COL22A1: variants seen among roughly 807,000 people sequenced by gnomAD.
The protein encoded by COL22A1 is collagen type XXII alpha 1 chain.
COL22A1 carries 221 observed loss-of-function variants against 248.9 expected under a neutral mutation model. That is an observed-to-expected ratio of 0.89 (90% CI 0.80 to 0.99). The LOEUF (loss-of-function observed/expected upper bound fraction) is 0.99. Among genes scored for constraint, COL22A1 ranks in the 50% least tolerant of loss-of-function variants. The pLI is 0.00. For missense variants in COL22A1, 2,240 were observed against 2,179.0 expected (o/e 1.03, Z -0.56); for synonymous variants, 891 against 793.4 (o/e 1.12, Z -2.07).
At chr8:138,727,514 G>C (rs1238364819) in intron 23 of COL22A1, among the ~76,000 whole-genome samples, 1 of 152,202 alleles carries the variant, frequency 6.6e-6, no homozygotes, top group Non-Finnish European at 1.5e-5. Flanking sequence ...CAGAAGCCGA[G>C]AGCCTGGGTT....
chr8:138,779,513 A>C lies in COL22A1; in HGVS notation c.1700T>G (p.Met567Arg), dbSNP rs761160271. The stretch of plus-strand genomic sequence containing the variant: ...CCAGCTCACAGCAACACTCACCCGC[A>C]TGCCGACCTCACCCGGCAGCCCCGG... ...GEPGLPGEVGMRGPQGPPGLP... is the reference protein window; with the variant it reads ...GEPGLPGEVGRRGPQGPPGLP... The change falls in exon 14 of 65, where the codon ATG (methionine) becomes AGG (arginine). Residue 567 changes from methionine to arginine, a missense_variant. Met to Arg is a moderately conservative substitution (Grantham distance 91, BLOSUM62 -1). Transcript: ENST00000303045. 1 of 1,611,442 alleles carries C rather than the reference A, an allele frequency of 6.2e-7. No individual in the cohort carries two copies. Among genetic ancestry groups the C allele is most frequent in the Non-Finnish European group, 8.5e-7 (1 of 1,177,608 alleles).
intron 3 of COL22A1, among the ~76,000 whole-genome samples, chr8:138,846,962 G>T (rs1050719149): frequency 2.0e-5 from 3 of 152,176 alleles, no homozygotes; most frequent in Admixed American, 6.5e-5. Context: ...GAGTCATTTT[G>T]TCTCCATGCT....
chr8:138,811,875 TGGGGTG>T lies in COL22A1; in HGVS notation c.1367_1372del (p.Pro456_Pro457del). 1 of 473,692 alleles carries T rather than the reference TGGGGTG, an allele frequency of 2.1e-6. No homozygotes were observed. The highest frequency in any genetic ancestry group is 4.0e-5 in the African/African-American group (1 of 25,172). The allele number at this position is 473,692 out of a possible 1,614,324, so 29.3% of individuals were successfully genotyped here. On this transcript the variant is annotated inframe_deletion, in exon 9 of 65. Transcript: ENST00000303045. ...TTCACTGCCTGGGGTGGGAGGCCGC[TGGGGTG>T]GGGGTGGAGGTGGAGGCTCTGTCAC...
chr8:138,821,290 C>A lies in COL22A1; in HGVS notation c.1091G>T (p.Trp364Leu). ...SRVNDLFDRD[W>L]HKMALSIQAQ... ...CTGGATGCTCAGGGCCATCTTGTGCCAGTCCCGGTCAAAGAGGTCATTGAC... is the reference window on the plus strand; with the variant it reads ...CTGGATGCTCAGGGCCATCTTGTGCAAGTCCCGGTCAAAGAGGTCATTGAC... Residue 364 changes from tryptophan (W) to leucine (L), a missense_variant, in exon 7 of 65, where the codon TGG (tryptophan) becomes TTG (leucine). Transcript: ENST00000303045. 1.2e-6 allele frequency: 2 copies of A among 1,614,214 alleles called. No homozygotes were observed.
intron 23 of COL22A1, 68 bp downstream of exon 23, chr8:138,737,456 C>T (rs112142354): frequency 8.6e-6 from 10 of 1,164,614 alleles, no homozygotes; most frequent in African/African-American, 6.0e-5. Flanking sequence ...CTGAGAGCTG[C>T]TGCCTGGTCA....
At chr8:138,689,163 G>GC (rs1030956197) in intron 36 of COL22A1, among the ~76,000 whole-genome samples, 193 bp from the exon 37 acceptor site, 9 of 145,526 alleles carry the variant, frequency 6.2e-5, no homozygotes, top group South Asian at 2.1e-4. Context: ...TCTCCCGGGG[G>GC]GGGGGCTGGC....
chr8:138,768,179 A>G (rs1274931022), intron 16 of COL22A1, among the ~76,000 whole-genome samples: 2 of 152,092 alleles, frequency 1.3e-5, no homozygotes, highest in Admixed American at 1.3e-4. Flanking sequence ...CCATTTCTGG[A>G]CATCCTTCCT....
intron 9 of COL22A1, among the ~76,000 whole-genome samples, chr8:138,810,457 G>A (rs1386639280): frequency 6.6e-6 from 1 of 152,192 alleles, no homozygotes; most frequent in Non-Finnish European, 1.5e-5. Context: ...AGCCTGCCGG[G>A]GGTGGGTGGA....
At chr8:138,783,687 C>T (rs527886944) in intron 12 of COL22A1, among the ~76,000 whole-genome samples, 53 of 152,308 alleles carry the variant, frequency 3.5e-4, no homozygotes, top group African/African-American at 1.2e-3. Flanking sequence ...TTAACCATCA[C>T]ACACGGCCAC....
chr8:138,877,739 G>A lies in COL22A1; in HGVS notation c.658+11C>T, dbSNP rs1256984200. ...CTTGGGAGGGGCCGCATGGGGCCCG[G>A]GCGCACTCACTTTCACAAAGACGGC... is the stretch of plus-strand genomic sequence containing the variant. On this transcript the variant is annotated intron_variant, in intron 3 of 64. Coordinates refer to ENST00000303045, the MANE Select transcript of COL22A1 (RefSeq NM_152888.3). The A allele has an allele frequency of 3.2e-6, 5 of 1,564,114 alleles. No homozygotes were observed. Among genetic ancestry groups the A allele is most frequent in the Non-Finnish European group, 4.3e-6 (5 of 1,152,750 alleles).
chr8:138,653,196 C>T (rs1822919032), intron 45 of COL22A1, among the ~76,000 whole-genome samples: 1 of 152,116 alleles, frequency 6.6e-6, no homozygotes, highest in African/African-American at 2.4e-5. Flanking sequence ...AGGAAATGAC[C>T]TCTAGGTCAT....
At chr8:138,780,439 CTGAGATCACTT>C (rs1223207632) in intron 13 of COL22A1, among the ~76,000 whole-genome samples, 1 of 152,166 alleles carries the variant, frequency 6.6e-6, no homozygotes, top group African/African-American at 2.4e-5. Flanking sequence ...CCCACCGAAG[CTGAGATCACTT>C]TGAGCTTGGG....
At chr8:138,612,779 A>T (rs1043522594) in intron 56 of COL22A1, among the ~76,000 whole-genome samples, 3 of 151,812 alleles carry the variant, frequency 2.0e-5, no homozygotes, top group African/African-American at 7.3e-5. Flanking sequence ...ATAAAAAAAT[A>T]AAAAAATAAT....
intron 1 of COL22A1, among the ~76,000 whole-genome samples, chr8:138,896,593 G>T (rs1160235100): frequency 6.6e-6 from 1 of 152,184 alleles, no homozygotes; most frequent in Non-Finnish European, 1.5e-5. Context: ...GGAAGTAAAT[G>T]AATAAAAGGA....
At chr8:138,847,473 A>G (rs1821328990) in intron 3 of COL22A1, among the ~76,000 whole-genome samples, 1 of 152,222 alleles carries the variant, frequency 6.6e-6, no homozygotes, top group African/African-American at 2.4e-5. Flanking sequence ...TTTTCAGCCC[A>G]TGGAGAAACA....
chr8:138,750,714 G>C (rs571669653), intron 22 of COL22A1, among the ~76,000 whole-genome samples: 1 of 152,294 alleles, frequency 6.6e-6, no homozygotes, highest in Non-Finnish European at 1.5e-5. Context: ...GTGGCCCTCA[G>C]ATTGTTAACC....
intron 41 of COL22A1, among the ~76,000 whole-genome samples, chr8:138,664,428 G>C (rs1451458857): frequency 6.6e-6 from 1 of 152,044 alleles, no homozygotes; most frequent in Non-Finnish European, 1.5e-5. Context: ...TTGCCCCTGA[G>C]GCTTTGCGAT....
intron 11 of COL22A1, among the ~76,000 whole-genome samples, chr8:138,800,477 ATAT>A (rs943619100): frequency 1.3e-5 from 2 of 152,144 alleles, no homozygotes; most frequent in Non-Finnish European, 2.9e-5. Context: ...ACCACTACAG[ATAT>A]TATTTTTATA....
Position 138,631,906 on chromosome 8 carries a change from T to C in COL22A1, c.3610-1158A>G, listed in dbSNP as rs1395505082. On this transcript the variant is annotated intron_variant, in intron 49 of 64. Coordinates refer to ENST00000303045, the MANE Select transcript of COL22A1 (RefSeq NM_152888.3). ...TTCTCATTTATTTAGTGTTCCTCATTGGAACACTAAATTTAGTTCCTCATT... is the reference window on the plus strand; with the variant it reads ...TTCTCATTTATTTAGTGTTCCTCATCGGAACACTAAATTTAGTTCCTCATT... 2.6e-5 allele frequency among the ~76,000 whole-genome samples: 4 copies of C among 152,160 alleles called. No individual in the cohort carries two copies. The South Asian group carries it at 6.2e-4, about 24-fold the overall frequency.
Sources: allele counts gnomAD v4.1 joint callset (sites outside exome capture counted in the v4.1 genomes callset), GRCh38; gene constraint gnomAD v4.1.1; transcripts MANE v1.5; gene names NCBI Gene and HGNC (gene_info 2026-07-23, HGNC 2026-07-21).